CEP128: variants seen among roughly 807,000 people sequenced by gnomAD.
The protein encoded by CEP128 is centrosomal protein 128kDa.
Under a neutral mutation model 156.7 loss-of-function variants are expected in CEP128, and 132 were observed. That is an observed-to-expected ratio of 0.84 (90% CI 0.73 to 0.97). The LOEUF (loss-of-function observed/expected upper bound fraction) is 0.97. Among genes scored for constraint, CEP128 ranks in the 50% least tolerant of loss-of-function variants. The probability of loss-of-function intolerance (pLI) is 0.00; values close to 1 mark genes in which losing one functional copy is unlikely to be tolerated. For synonymous variants in CEP128, 469 were observed against 448.9 expected, an observed-to-expected ratio of 1.04 and a Z score of -0.57; for missense variants, 1,252 against 1,281.9, an observed-to-expected ratio of 0.98 and a Z score of 0.36.
chr14:80,792,889 C>G lies in CEP128; in HGVS notation c.1431G>C (p.Lys477Asn), dbSNP rs577906888. The G allele has an allele frequency of 3.1e-6, 5 of 1,614,196 alleles. No homozygotes were observed. The East Asian group carries it at 8.9e-5, about 29-fold the overall frequency. Residue 477 changes from lysine (K) to asparagine (N), a missense_variant, in exon 14 of 25, where the codon AAG (lysine) becomes AAC (asparagine). Transcript: ENST00000555265. ...QSEALKEEAE[K>N]RREDLKLKAQ... is the part of the protein sequence containing the mutation. Reference sequence around the variant, plus strand: ...CTTTCAGTTTCAGGTCTTCCCTCCTCTTCTCCGCCTCCTCTTTCAGAGCCT... The same window carrying G: ...CTTTCAGTTTCAGGTCTTCCCTCCTGTTCTCCGCCTCCTCTTTCAGAGCCT...
intron 8 of CEP128, among the ~76,000 whole-genome samples, chr14:80,864,946 A>G (rs368286526): frequency 2.4e-4 from 37 of 152,320 alleles, no homozygotes; most frequent in African/African-American, 7.5e-4. Context: ...CAAGCCAATC[A>G]ACATATCTAT....
At chr14:80,625,020 A>G (rs1893650174) in intron 19 of CEP128, among the ~76,000 whole-genome samples, 1 of 152,098 alleles carries the variant, frequency 6.6e-6, no homozygotes, top group Non-Finnish European at 1.5e-5. Flanking sequence ...TATATTCCCT[A>G]GGTTTTCTTT....
At chr14:80,876,080 A>T (rs1236662462) in intron 8 of CEP128, among the ~76,000 whole-genome samples, 1 of 152,160 alleles carries the variant, frequency 6.6e-6, no homozygotes, top group African/African-American at 2.4e-5. Context: ...GGATGAAGTC[A>T]AAAGTTCAAG....
At chr14:80,789,475 C>A (rs1486657077) in intron 14 of CEP128, among the ~76,000 whole-genome samples, 1 of 152,136 alleles carries the variant, frequency 6.6e-6, no homozygotes, top group Non-Finnish European at 1.5e-5. Context: ...AGGATACAGA[C>A]TTCAGTAGGT....
intron 6 of CEP128, among the ~76,000 whole-genome samples, chr14:80,903,252 G>A (rs918561075): frequency 2.6e-5 from 4 of 152,088 alleles, no homozygotes; most frequent in African/African-American, 9.7e-5. Flanking sequence ...AACACACAAT[G>A]GGGAAAGGAT....
chr14:80,700,841 T>C (rs1008106843), intron 19 of CEP128, among the ~76,000 whole-genome samples: 37 of 152,144 alleles, frequency 2.4e-4, no homozygotes, highest in Non-Finnish European at 2.8e-4. Context: ...TTTCTTTATA[T>C]CCCATTTTAG....
chr14:80,764,948 G>A (rs1399227880), intron 16 of CEP128, among the ~76,000 whole-genome samples: 1 of 152,198 alleles, frequency 6.6e-6, no homozygotes, highest in Non-Finnish European at 1.5e-5. Flanking sequence ...AAATCCAAGA[G>A]TTAAGTAAGC....
rs528347512 is a variant in CEP128 at position 80,567,497 on chromosome 14, A to T, written c.2857-8195T>A. 5.9e-5 allele frequency among the ~76,000 whole-genome samples: 9 copies of T among 152,316 alleles called. No individual in the cohort carries two copies. The East Asian group carries it at 1.7e-3, about 29-fold the overall frequency. ...TAGCTATATGAAACTGACACCAAAA[A>T]TTCTGAGACTACCCTTTAAATTTCA... On this transcript the variant is annotated intron_variant, in intron 20 of 24. Transcript: ENST00000555265.
intron 19 of CEP128, among the ~76,000 whole-genome samples, chr14:80,739,157 G>A (rs1898680915): frequency 6.6e-6 from 1 of 152,144 alleles, no homozygotes; most frequent in African/African-American, 2.4e-5. Context: ...AAGGGATAGG[G>A]AGCTAATGTA....
intron 21 of CEP128, among the ~76,000 whole-genome samples, chr14:80,540,205 C>CCCCA (rs1555372598): frequency 1.3e-5 from 2 of 150,518 alleles, no homozygotes; most frequent in Admixed American, 6.6e-5. Context: ...ACACCCCCCC[C>CCCCA]CCTTTTGAAA....
intron 19 of CEP128, among the ~76,000 whole-genome samples, chr14:80,684,591 T>C (rs1008496413): frequency 2.0e-5 from 3 of 151,500 alleles, no homozygotes; most frequent in Admixed American, 2.0e-4. Context: ...CCTAATGCAT[T>C]CTACAAAGCC....
intron 13 of CEP128, 152 bp downstream of exon 13, chr14:80,830,991 T>C: frequency 1.5e-6 from 1 of 663,690 alleles, no homozygotes. Flanking sequence ...AATTTCTACA[T>C]ATAAGTAAAT....
At chr14:80,521,010 T>G (rs1888720507) in intron 23 of CEP128, among the ~76,000 whole-genome samples, 1 of 144,248 alleles carries the variant, frequency 6.9e-6, no homozygotes, top group African/African-American at 2.7e-5. Flanking sequence ...TTTTTTTTTT[T>G]TTTTGTAATT....
chr14:80,732,337 A>T (rs1289099329), intron 19 of CEP128, among the ~76,000 whole-genome samples: 2 of 152,166 alleles, frequency 1.3e-5, no homozygotes, highest in Non-Finnish European at 2.9e-5. Context: ...AGAGGAAAAA[A>T]ATGGTAGGAC....
rs183287859 is a variant in CEP128, at chr14:80,897,866, C to G, written c.572+2072G>C. Among the ~76,000 whole-genome samples, 508 of 152,268 alleles carry G rather than the reference C, an allele frequency of 3.3e-3. 4 individuals carry two copies. The highest frequency in any genetic ancestry group is 5.2e-3 in the Non-Finnish European group (351 of 68,016). On this transcript the variant is annotated intron_variant, in intron 7 of 24. Transcript: ENST00000555265. The stretch of plus-strand genomic sequence containing the variant: ...CATCTCAGCTCAATGCAGCTTCAAC[C>G]TCCTGGGCTCAAGCAATCCTCCCAC...
intron 19 of CEP128, among the ~76,000 whole-genome samples, chr14:80,714,609 C>T (rs1288703030): frequency 2.6e-5 from 4 of 152,018 alleles, no homozygotes; most frequent in Admixed American, 6.6e-5. Flanking sequence ...ATTACCCGAG[C>T]TCTCTAACAG....
chr14:80,608,551 T>C (rs923940550), intron 19 of CEP128, among the ~76,000 whole-genome samples: 1 of 152,214 alleles, frequency 6.6e-6, no homozygotes, highest in Non-Finnish European at 1.5e-5. Flanking sequence ...AAGCTTCTCA[T>C]GGATTCAACT....
intron 19 of CEP128, among the ~76,000 whole-genome samples, chr14:80,677,982 A>G (rs955319049): frequency 6.6e-6 from 1 of 150,824 alleles, no homozygotes; most frequent in Non-Finnish European, 1.5e-5. Context: ...TTGGCTTAAG[A>G]AAAGGTTATT....
At chr14:80,531,505 G>C (rs1594955650) in intron 21 of CEP128, among the ~76,000 whole-genome samples, 1 of 152,130 alleles carries the variant, frequency 6.6e-6, no homozygotes, top group Non-Finnish European at 1.5e-5. Context: ...TGAACATTAA[G>C]TGAGAATGAT....
Sources: gnomAD v4.1 joint callset for allele counts (sites outside exome capture counted in the v4.1 genomes callset) on GRCh38, gnomAD v4.1.1 for gene constraint, MANE v1.5 for transcripts, NCBI Gene and HGNC (gene_info 2026-07-23, HGNC 2026-07-21) for gene names.